Variants in FGGY observed in about 807,000 individuals in gnomAD.
FGGY encodes the protein FGGY carbohydrate kinase domain containing, also known as FGGY carbohydrate kinase domain-containing protein.
FGGY carries 72 observed loss-of-function variants against 71.3 expected under a neutral mutation model. The ratio of observed to expected loss-of-function variants is 1.01; its 90% CI spans 0.84 to 1.23. FGGY has a LOEUF of 1.23. Ranked by LOEUF, FGGY falls within the 50% of genes most tolerant of loss-of-function variation. The probability of loss-of-function intolerance (pLI) is 0.00; values close to 1 mark genes in which losing one functional copy is unlikely to be tolerated. For synonymous variants in FGGY, 251 were observed against 250.3 expected (o/e 1.00, Z -0.02); for missense variants, 668 against 682.3 (o/e 0.98, Z 0.23).
At chr1:59,700,427 C>T (rs2097700390) in intron 14 of FGGY, among the ~76,000 whole-genome samples, 1 of 152,124 alleles carries the variant, frequency 6.6e-6, no homozygotes, top group Non-Finnish European at 1.5e-5. Flanking sequence ...CAATTTTTAC[C>T]CACATTCACA....
chr1:59,505,938 C>T (rs2094367820), intron 6 of FGGY, among the ~76,000 whole-genome samples: 1 of 152,074 alleles, frequency 6.6e-6, no homozygotes, highest in Admixed American at 6.5e-5. Flanking sequence ...ATTGTAGATT[C>T]CAGCTTTTGA....
At chr1:59,321,244 G>C (rs1021954688) in intron 1 of FGGY, among the ~76,000 whole-genome samples, 5 of 152,132 alleles carry the variant, frequency 3.3e-5, no homozygotes, top group Admixed American at 2.6e-4. Flanking sequence ...CCCTGTACTT[G>C]CCCTTACAGC....
intron 8 of FGGY, among the ~76,000 whole-genome samples, chr1:59,593,678 A>T (rs1571850030): frequency 6.6e-6 from 1 of 152,282 alleles, no homozygotes; most frequent in Middle Eastern, 3.4e-3. Context: ...TTATACTAAG[A>T]ACTTTTATCT....
chr1:59,698,580 C>A (rs2097683670), intron 14 of FGGY: 1 of 161,436 alleles, frequency 6.2e-6, no homozygotes, highest in Admixed American at 6.5e-5. Context: ...GGTGTAGAAA[C>A]TGATTTCAGC....
At chr1:59,557,938 C>G (rs1277269385) in intron 8 of FGGY, among the ~76,000 whole-genome samples, 1 of 152,148 alleles carries the variant, frequency 6.6e-6, no homozygotes. Flanking sequence ...ACATCTGCAT[C>G]TTAAATCGCT....
intron 14 of FGGY, among the ~76,000 whole-genome samples, chr1:59,676,318 C>G (rs2097434925): frequency 6.6e-6 from 1 of 152,028 alleles, no homozygotes. Context: ...GGGTCTATAT[C>G]TTATCCTGTC....
At chr1:59,582,270 C>A (rs949561040) in intron 8 of FGGY, among the ~76,000 whole-genome samples, 2 of 149,916 alleles carry the variant, frequency 1.3e-5, no homozygotes, top group Non-Finnish European at 2.9e-5. Context: ...CAGAAATCAT[C>A]CAATTCAGTA....
At chr1:59,416,615 A>AT (rs1354196956) in intron 5 of FGGY, among the ~76,000 whole-genome samples, 2 of 152,214 alleles carry the variant, frequency 1.3e-5, no homozygotes, top group African/African-American at 4.8e-5. Context: ...CACCTTCAGC[A>AT]TATCTTTAAT....
At chr1:59,710,938 T>G (rs1210718382) in intron 14 of FGGY, among the ~76,000 whole-genome samples, 4 of 152,322 alleles carry the variant, frequency 2.6e-5, no homozygotes, top group Admixed American at 2.6e-4. Context: ...ATCCCATTAC[T>G]AGATATATAC....
At chr1:59,421,636 G>C (rs2065456890) in intron 5 of FGGY, among the ~76,000 whole-genome samples, 1 of 149,714 alleles carries the variant, frequency 6.7e-6, no homozygotes, top group Non-Finnish European at 1.5e-5. Context: ...GCCTTCATTT[G>C]GGCTGACAAG....
At chr1:59,635,850 T>C (rs2096953554) in intron 10 of FGGY, among the ~76,000 whole-genome samples, 1 of 152,166 alleles carries the variant, frequency 6.6e-6, no homozygotes, top group Non-Finnish European at 1.5e-5. Flanking sequence ...TTTTAGGGCT[T>C]TGATAAATAA....
intron 8 of FGGY, among the ~76,000 whole-genome samples, chr1:59,590,028 G>C (rs1454915187): frequency 2.0e-5 from 3 of 151,940 alleles, no homozygotes; most frequent in Admixed American, 6.6e-5. Flanking sequence ...CAACAAAATT[G>C]ATAGATCGCT....
chr1:59,728,003 A>G (rs2097969682), intron 14 of FGGY, among the ~76,000 whole-genome samples: 1 of 152,072 alleles, frequency 6.6e-6, no homozygotes, highest in Non-Finnish European at 1.5e-5. Flanking sequence ...CTTTCTTTTA[A>G]TCAGTGTATT....
intron 11 of FGGY, among the ~76,000 whole-genome samples, chr1:59,644,617 G>GCCCCCCCCCCC (rs796675574): frequency 6.7e-6 from 1 of 149,738 alleles, no homozygotes; most frequent in African/African-American, 2.5e-5. Context: ...AGACAGACAC[G>GCCCCCCCCCCC]CCCCCCCCCA....
At chr1:59,400,693 A>G (rs55936053) in intron 5 of FGGY, among the ~76,000 whole-genome samples, 2,454 of 152,154 alleles carry the variant, frequency 0.016, 29 homozygotes, top group East Asian at 0.062. Context: ...TTTATAAACT[A>G]TGAGGAATTC....
At chr1:59,469,091 A>G (rs1182995738) in intron 6 of FGGY, among the ~76,000 whole-genome samples, 2 of 152,176 alleles carry the variant, frequency 1.3e-5, no homozygotes, top group Admixed American at 6.5e-5. Context: ...TGGCTGGCCA[A>G]GAAGCTGAGA....
At chr1:59,684,106 C>A (rs1198959932) in intron 14 of FGGY, among the ~76,000 whole-genome samples, 1 of 152,166 alleles carries the variant, frequency 6.6e-6, no homozygotes, top group Non-Finnish European at 1.5e-5. Context: ...CGGGAACAGC[C>A]TTAGACAGTA....
chr1:59,467,345 T>C (rs895969838), intron 6 of FGGY, among the ~76,000 whole-genome samples: 2 of 151,734 alleles, frequency 1.3e-5, no homozygotes, highest in South Asian at 4.2e-4. Context: ...CCAGGGCCTG[T>C]CGTGGGGTGG....
intron 6 of FGGY, among the ~76,000 whole-genome samples, chr1:59,501,226 A>G (rs1290133541): frequency 6.6e-6 from 1 of 152,216 alleles, no homozygotes; most frequent in Non-Finnish European, 1.5e-5. Flanking sequence ...AGGTCATAAA[A>G]GGAAGTGTAT....
Sources: gnomAD v4.1 joint callset for allele counts (sites outside exome capture counted in the v4.1 genomes callset) on GRCh38, gnomAD v4.1.1 for gene constraint, MANE v1.5 for transcripts, NCBI Gene and HGNC (gene_info 2026-07-23, HGNC 2026-07-21) for gene names.